BLCAP: variants seen among roughly 807,000 people sequenced by gnomAD.
BLCAP encodes the protein apoptosis inducing factor BLCAP.
In BLCAP, 1 loss-of-function variant was observed where a neutral mutation model predicts 5.7. The observed-to-expected ratio is 0.18, with a 90% CI of 0.06 to 0.83. BLCAP has a LOEUF of 0.83. Among genes scored for constraint, BLCAP ranks in the 40% least tolerant of loss-of-function variants. The probability of loss-of-function intolerance (pLI) is 0.71; values close to 1 mark genes in which losing one functional copy is unlikely to be tolerated. For synonymous variants in BLCAP, 48 were observed against 49.4 expected, an observed-to-expected ratio of 0.97 and a Z score of 0.11; for missense variants, 66 against 107.6, an observed-to-expected ratio of 0.61 and a Z score of 1.71.
At chr20:37,522,278 T>C (rs2071612593) in intron 1 of BLCAP, 35 of 1,139,024 alleles carry the variant, frequency 3.1e-5, no homozygotes, top group Non-Finnish European at 4.4e-5. Context: ...ATAAAATCAT[T>C]TACCCTAAAA....
rs367727763 is a variant in BLCAP at position 37,519,997 on chromosome 20, C to T, written c.-176-647G>A. ...GCGTCACTTTGCCAGAATCTGCCAACTTCTCCGAAAGTCAATGTAGAAAAA... is the reference window on the plus strand; with the variant it reads ...GCGTCACTTTGCCAGAATCTGCCAATTTCTCCGAAAGTCAATGTAGAAAAA... On this transcript the variant is annotated intron_variant, in intron 1 of 1. Coordinates refer to ENST00000373537, the MANE Select transcript of BLCAP (RefSeq NM_006698.4). Among the ~76,000 whole-genome samples the T allele has an allele frequency of 5.3e-5, 8 of 152,266 alleles. No homozygotes were observed. The South Asian group carries it at 1.7e-3, about 31-fold the overall frequency.
At chr20:37,520,964 AAG>A (rs2071547343) in intron 1 of BLCAP, among the ~76,000 whole-genome samples, 1 of 152,006 alleles carries the variant, frequency 6.6e-6, no homozygotes, top group Admixed American at 6.5e-5. Flanking sequence ...GCGCCACACT[AAG>A]AGACCTGCAC....
At chr20:37,522,477 G>A in intron 1 of BLCAP, 4 of 1,574,248 alleles carry the variant, frequency 2.5e-6, no homozygotes, top group Non-Finnish European at 2.6e-6. Context: ...TTGCCGCCAT[G>A]CAGCTCTCAG....
intron 1 of BLCAP, chr20:37,523,755 A>G (rs1568687447): frequency 6.6e-6 from 1 of 152,424 alleles, no homozygotes; most frequent in Non-Finnish European, 1.5e-5. Flanking sequence ...TGATGTGCCC[A>G]CTGTGGAACA....
rs372362652 is a variant in BLCAP at position 37,518,739 on chromosome 20, C to T, written c.*172G>A. The T allele has an allele frequency of 5.4e-6, 5 of 917,896 alleles. No homozygotes were observed. The highest frequency in any genetic ancestry group is 2.7e-5 in the Admixed American group (1 of 36,478). 56.9% of individuals were successfully genotyped at this position (917,896 alleles called of 1,614,324 possible). A position where few individuals can be genotyped will look rare whatever the true frequency, so the allele number is the denominator to read the frequency against. ...CTATAGGACTTTACAATAAAAGCAC[C>T]GGTCAGTGCCATTATTCACATTGTA... On this transcript the variant is annotated 3_prime_UTR_variant, in exon 2 of 2. Transcript: ENST00000373537.
chr20:37,521,519 C>G lies in BLCAP; in HGVS notation c.-176-2169G>C. The G allele has an allele frequency of 1.9e-6, 2 of 1,071,258 alleles. No homozygotes were observed. The highest frequency in any genetic ancestry group is 4.9e-5 in the East Asian group (2 of 40,648). The allele number at this position is 1,071,258 out of a possible 1,614,324, so 66.4% of individuals were successfully genotyped here. A position where few individuals can be genotyped will look rare whatever the true frequency, so the allele number is the denominator to read the frequency against. ...CCGTCCTATTCCGATTGCCGCGATCCTTGCCTGCCCAAGTGCCGCTGCCGG... is the reference window on the plus strand; with the variant it reads ...CCGTCCTATTCCGATTGCCGCGATCGTTGCCTGCCCAAGTGCCGCTGCCGG... On this transcript the variant is annotated intron_variant, in intron 1 of 1. Coordinates refer to ENST00000373537, the MANE Select transcript of BLCAP (RefSeq NM_006698.4). The surrounding 1 kb of genome is among the most constrained non-coding windows in gnomAD (Gnocchi z 4.5).
Position 37,518,836 on chromosome 20 carries a change from T to G in BLCAP, c.*75A>C, listed in dbSNP as rs2071461885. On this transcript the variant is annotated 3_prime_UTR_variant, in exon 2 of 2. Transcript: ENST00000373537. Reference sequence around the variant, plus strand: ...CCCGCGAGGCTGCGGGATTTGAAACTCCAATGCTTTATGACCTATGTCAAT... The same window carrying G: ...CCCGCGAGGCTGCGGGATTTGAAACGCCAATGCTTTATGACCTATGTCAAT... The G allele has an allele frequency of 1.3e-6, 2 of 1,554,264 alleles. No individual in the cohort carries two copies. The highest frequency in any genetic ancestry group is 2.7e-5 in the African/African-American group (2 of 73,196).
In BLCAP at chr20:37,521,255, G is replaced by A. The variant is rs1420307468; in HGVS notation, c.-176-1905C>T. ...GCGGCCACCGCGGCTGCGGCAGTGC[G>A]CCCAACAGCGGACTCCGAGACCAGC... On this transcript the variant is annotated intron_variant, in intron 1 of 1. Transcript: ENST00000373537. The surrounding 1 kb of genome is among the most constrained non-coding windows in gnomAD (Gnocchi z 4.5). 1.1e-5 allele frequency: 17 copies of A among 1,485,970 alleles called. No individual in the cohort carries two copies. Among genetic ancestry groups the A allele is most frequent in the Middle Eastern group, 1.7e-4 (1 of 5,840 alleles). The allele number at this position is 1,485,970 out of a possible 1,614,324, so 92.0% of individuals were successfully genotyped here. A position where few individuals can be genotyped will look rare whatever the true frequency, so the allele number is the denominator to read the frequency against.
At chr20:37,523,107 C>A (rs950552748) in intron 1 of BLCAP, 3 of 239,626 alleles carry the variant, frequency 1.3e-5, no homozygotes, top group East Asian at 8.2e-5. Flanking sequence ...CAGGGCCATG[C>A]CAGCAGGCCC....
chr20:37,521,598 C>T lies in BLCAP; in HGVS notation c.-176-2248G>A, dbSNP rs1474710093. ...GCCGTCCTCCTCGCGCTGACCCTCC[C>T]TAGTGCGCCCGCGCCTGCCAGGGAA... On this transcript the variant is annotated intron_variant, in intron 1 of 1. Coordinates refer to ENST00000373537, the MANE Select transcript of BLCAP (RefSeq NM_006698.4). The surrounding 1 kb of genome is among the most constrained non-coding windows in gnomAD (Gnocchi z 4.5). The T allele has an allele frequency of 3.4e-6, 2 of 591,460 alleles. No homozygotes were observed. The highest frequency in any genetic ancestry group is 2.0e-5 in the South Asian group (1 of 50,356). 36.6% of individuals were successfully genotyped at this position (591,460 alleles called of 1,614,324 possible). A position where few individuals can be genotyped will look rare whatever the true frequency, so the allele number is the denominator to read the frequency against.
chr20:37,521,505 C>T lies in BLCAP; in HGVS notation c.-176-2155G>A. On this transcript the variant is annotated intron_variant, in intron 1 of 1. Coordinates refer to ENST00000373537, the MANE Select transcript of BLCAP (RefSeq NM_006698.4). The surrounding 1 kb of genome is among the most constrained non-coding windows in gnomAD (Gnocchi z 4.5). Reference sequence around the variant, plus strand: ...GCCGCTTCCCGGACCCGTCCTATTCCGATTGCCGCGATCCTTGCCTGCCCA... The same window carrying T: ...GCCGCTTCCCGGACCCGTCCTATTCTGATTGCCGCGATCCTTGCCTGCCCA... The T allele has an allele frequency of 5.1e-6, 6 of 1,171,640 alleles. No homozygotes were observed. Among genetic ancestry groups the T allele is most frequent in the South Asian group, 1.3e-5 (1 of 78,332 alleles). The allele number at this position is 1,171,640 out of a possible 1,614,324, so 72.6% of individuals were successfully genotyped here.
At position 37,517,888 on chromosome 20, in the gene BLCAP, C is replaced by T. The variant is rs1166655633; in HGVS notation, c.*1023G>A. 2 of 152,682 alleles carry T rather than the reference C, an allele frequency of 1.3e-5. No homozygotes were observed. The highest frequency in any genetic ancestry group is 4.8e-5 in the African/African-American group (2 of 41,458). 9.5% of individuals were successfully genotyped at this position (152,682 alleles called of 1,614,324 possible). A position where few individuals can be genotyped will look rare whatever the true frequency, so the allele number is the denominator to read the frequency against. ...CCATGCTAAATAAAAACTGTAGCGG[C>T]ACCTACCATATATAGCTAGCTATTG... is the stretch of plus-strand genomic sequence containing the variant. On this transcript the variant is annotated 3_prime_UTR_variant, in exon 2 of 2. Coordinates refer to ENST00000373537, the MANE Select transcript of BLCAP (RefSeq NM_006698.4).
In BLCAP at chr20:37,521,386, T is replaced by C; in HGVS notation, c.-176-2036A>G. 1.2e-6 allele frequency: 2 copies of C among 1,614,098 alleles called. No homozygotes were observed. The highest frequency in any genetic ancestry group is 1.7e-6 in the Non-Finnish European group (2 of 1,179,974). On this transcript the variant is annotated intron_variant, in intron 1 of 1. Coordinates refer to ENST00000373537, the MANE Select transcript of BLCAP (RefSeq NM_006698.4). The surrounding 1 kb of genome is among the most constrained non-coding windows in gnomAD (Gnocchi z 4.5). ...ACTGCTCATCATCGGCTGGTACATC[T>C]TCCGCGTGCTGCTGCAGGTAAGTCT...
intron 1 of BLCAP, chr20:37,523,013 G>A: frequency 2.2e-6 from 1 of 456,384 alleles, no homozygotes; most frequent in Non-Finnish European, 3.9e-6. Flanking sequence ...GGGGGGATAG[G>A]GGGAGCAGAC....
chr20:37,522,811 C>A, intron 1 of BLCAP: 1 of 1,491,510 alleles, frequency 6.7e-7, no homozygotes, highest in Non-Finnish European at 9.1e-7. Context: ...TCCTGTGCAT[C>A]TCGGCCAGCA....
chr20:37,524,437 G>C (rs1398494928), intron 1 of BLCAP: 1 of 152,192 alleles, frequency 6.6e-6, no homozygotes, highest in Non-Finnish European at 1.5e-5. Flanking sequence ...GCTCGGCCTC[G>C]GACTTGTCTT....
intron 1 of BLCAP, chr20:37,522,511 C>T: frequency 6.6e-7 from 1 of 1,503,832 alleles, no homozygotes. Flanking sequence ...GCTCCAGCTG[C>T]CCTGACTCGT....
intron 1 of BLCAP, among the ~76,000 whole-genome samples, chr20:37,520,813 T>G (rs1215880120): frequency 6.6e-6 from 1 of 152,214 alleles, no homozygotes; most frequent in East Asian, 1.9e-4. Context: ...TGCCAAAGCT[T>G]CTGAAAGGGG....
At chr20:37,522,913 C>T (rs1048877701) in intron 1 of BLCAP, 3 of 614,438 alleles carry the variant, frequency 4.9e-6, no homozygotes, top group Admixed American at 3.0e-5. Flanking sequence ...AGTAGACCCC[C>T]GGAGAAGCAG....
Sources: allele counts gnomAD v4.1 joint callset (sites outside exome capture counted in the v4.1 genomes callset), GRCh38; gene constraint gnomAD v4.1.1; non-coding constraint Gnocchi (gnomAD v3.1); transcripts MANE v1.5; gene names NCBI Gene and HGNC (gene_info 2026-07-23, HGNC 2026-07-21).